The following MICAL3 variants were observed in gnomAD, a reference collection of about 807,000 sequenced individuals.
MICAL3 encodes the protein microtubule associated monooxygenase, calponin and LIM domain containing 3.
In MICAL3, 62 loss-of-function variants were observed where a neutral mutation model predicts 207.4. The observed-to-expected ratio is 0.30, with a 90% CI of 0.24 to 0.37. The LOEUF (loss-of-function observed/expected upper bound fraction) is 0.37. Ranked by LOEUF, MICAL3 falls within the 10% of genes least tolerant of loss-of-function variation. MICAL3 has a pLI of 1.00. For synonymous variants in MICAL3, 1,077 were observed against 1,069.3 expected (o/e 1.01, Z -0.14); for missense variants, 2,368 against 2,635.6 (o/e 0.90, Z 2.22).
chr22:17,946,947 G>GGGGA (rs1260390818), intron 1 of MICAL3, among the ~76,000 whole-genome samples: 1 of 152,340 alleles, frequency 6.6e-6, no homozygotes, highest in East Asian at 1.9e-4. Context: ...GAAGATGGGT[G>GGGGA]GGGAGGGCCC....
intron 1 of MICAL3, among the ~76,000 whole-genome samples, chr22:18,015,080 G>A (rs1040035001): frequency 6.6e-6 from 1 of 151,980 alleles, no homozygotes; most frequent in African/African-American, 2.4e-5. Context: ...ATTGTGAAAA[G>A]TACAACTAAA....
chr22:17,882,235 G>A (rs1415667365), intron 16 of MICAL3, among the ~76,000 whole-genome samples: 8 of 152,210 alleles, frequency 5.3e-5, no homozygotes, highest in Admixed American at 3.3e-4. Flanking sequence ...ACAAAGTAAG[G>A]AAATAAAGAG....
chr22:17,791,516 C>T (rs932814305), intron 29 of MICAL3: 11 of 580,992 alleles, frequency 1.9e-5, no homozygotes, highest in African/African-American at 5.6e-5. Flanking sequence ...CTGTTCACCC[C>T]GTCAGCGACC....
At chr22:17,802,302 T>C (rs2061948969) in intron 29 of MICAL3, among the ~76,000 whole-genome samples, 1 of 152,194 alleles carries the variant, frequency 6.6e-6, no homozygotes, top group South Asian at 2.1e-4. Context: ...TGGGCTCAAA[T>C]GATACACCTG....
intron 29 of MICAL3, among the ~76,000 whole-genome samples, chr22:17,794,783 CAG>C (rs1166002126): frequency 3.3e-5 from 5 of 152,128 alleles, no homozygotes; most frequent in Non-Finnish European, 5.9e-5. Flanking sequence ...AGACAGTGTG[CAG>C]AGAGACATCT....
At chr22:18,012,243 TTAA>T (rs747119944) in intron 1 of MICAL3, among the ~76,000 whole-genome samples, 61 of 152,206 alleles carry the variant, frequency 4.0e-4, no homozygotes, top group Non-Finnish European at 7.9e-4. Flanking sequence ...TCAAAAAAAA[TTAA>T]TAAATAAGAA....
intron 1 of MICAL3, among the ~76,000 whole-genome samples, chr22:17,968,827 C>T (rs444279): frequency 0.59 from 89,458 of 151,938 alleles, 27,211 homozygotes; most frequent in Middle Eastern, 0.77. Flanking sequence ...CGACAAACTT[C>T]AAACATGCCT....
intron 29 of MICAL3, among the ~76,000 whole-genome samples, chr22:17,802,226 C>T (rs2061948137): frequency 6.6e-6 from 1 of 152,208 alleles, no homozygotes; most frequent in African/African-American, 2.4e-5. Context: ...CTATGCCCAG[C>T]TAATTTTTAA....
intron 2 of MICAL3, among the ~76,000 whole-genome samples, chr22:17,906,208 C>G (rs368006760): frequency 1.3e-5 from 2 of 152,310 alleles, no homozygotes; most frequent in East Asian, 1.9e-4. Context: ...TTTGAACGCT[C>G]AATATGTAAA....
intron 29 of MICAL3, among the ~76,000 whole-genome samples, chr22:17,800,382 C>T (rs1272001031): frequency 6.6e-6 from 1 of 152,158 alleles, no homozygotes; most frequent in Non-Finnish European, 1.5e-5. Flanking sequence ...TTCAGGGTCC[C>T]AGGGCAGAAG....
chr22:17,903,239 G>A (rs1024009052), intron 3 of MICAL3, among the ~76,000 whole-genome samples: 1 of 152,208 alleles, frequency 6.6e-6, no homozygotes. Flanking sequence ...AAGGGAAATC[G>A]CAATCCAACT....
chr22:17,791,552 C>T (rs145151156), intron 29 of MICAL3: 128 of 548,132 alleles, frequency 2.3e-4, no homozygotes, highest in African/African-American at 1.9e-3. Context: ...TTGCCCTCCC[C>T]GGGGCTGGTT....
intron 20 of MICAL3, among the ~76,000 whole-genome samples, chr22:17,838,321 A>T (rs1229910606): frequency 6.6e-6 from 1 of 152,196 alleles, no homozygotes; most frequent in East Asian, 1.9e-4. Context: ...TGACTCTGGC[A>T]TGGGAAAGCT....
chr22:17,888,871 C>T (rs3747031), intron 13 of MICAL3, among the ~76,000 whole-genome samples, 163 bp downstream of exon 13: 69,519 of 152,058 alleles, frequency 0.46, 17,026 homozygotes, highest in African/African-American at 0.64. Flanking sequence ...AAGGGAGAAA[C>T]AATGAAGCAA....
At position 17,919,067 on chromosome 22, in the gene MICAL3, T is replaced by A. The variant is rs143049769; in HGVS notation, c.-74-12181A>T. On this transcript the variant is annotated intron_variant, in intron 1 of 31. Coordinates refer to ENST00000441493, the MANE Select transcript of MICAL3 (RefSeq NM_015241.3). The stretch of plus-strand genomic sequence containing the variant: ...CTTGACATACTCCAAATGTTTTTGG[T>A]TTTTGTGGGTTTTTTTTTTTTTTGA... Among the ~76,000 whole-genome samples the A allele has an allele frequency of 6.9e-3, 1,000 of 145,586 alleles. 16 individuals are homozygous for A. The highest frequency in any genetic ancestry group is 0.025 in the African/African-American group (924 of 37,704).
chr22:17,802,081 G>C (rs1249171249), intron 29 of MICAL3, among the ~76,000 whole-genome samples: 2 of 143,888 alleles, frequency 1.4e-5, no homozygotes, highest in African/African-American at 2.6e-5. Context: ...TTTTTTTTAA[G>C]AGACAGGGTT....
chr22:17,901,877 C>A lies in MICAL3; in HGVS notation c.691+1G>T. ...CCAGGCAGAGGAGCACAGACCAATACCTTCCAAGGTGTTCCTCCGACCATC... is the reference window on the plus strand; with the variant it reads ...CCAGGCAGAGGAGCACAGACCAATAACTTCCAAGGTGTTCCTCCGACCATC... On this transcript the variant is annotated splice_donor_variant, in intron 5 of 31. Transcript: ENST00000441493. LOFTEE classifies it high-confidence loss of function. 1.2e-6 allele frequency: 2 copies of A among 1,610,402 alleles called. No homozygotes were observed. The highest frequency in any genetic ancestry group is 1.1e-5 in the South Asian group (1 of 90,958).
At chr22:18,007,472 C>G (rs1250782638) in intron 1 of MICAL3, among the ~76,000 whole-genome samples, 2 of 151,104 alleles carry the variant, frequency 1.3e-5, no homozygotes, top group Non-Finnish European at 2.9e-5. Context: ...GTTCTATTTT[C>G]CAGGCTGGAG....
At chr22:17,922,290 GA>G (rs1197737132) in intron 1 of MICAL3, among the ~76,000 whole-genome samples, 1 of 152,160 alleles carries the variant, frequency 6.6e-6, no homozygotes, top group East Asian at 1.9e-4. Flanking sequence ...CAGATGCCAA[GA>G]AAGAAGGAAA....
Sources: gnomAD v4.1 joint callset for allele counts (sites outside exome capture counted in the v4.1 genomes callset) on GRCh38, gnomAD v4.1.1 for gene constraint, MANE v1.5 for transcripts, NCBI Gene and HGNC (gene_info 2026-07-23, HGNC 2026-07-21) for gene names.